The following TUSC3 variants were observed in gnomAD, a reference collection of about 807,000 sequenced individuals.
TUSC3 encodes the protein dolichyl-diphosphooligosaccharide--protein glycosyltransferase subunit TUSC3.
TUSC3 carries 45 observed loss-of-function variants against 44.8 expected under a neutral mutation model. The ratio of observed to expected loss-of-function variants is 1.00; its 90% CI spans 0.79 to 1.29. The LOEUF is 1.29. TUSC3 is among the 50% of genes most tolerant of loss of function. The probability of loss-of-function intolerance (pLI) is 0.00; values close to 1 mark genes in which losing one functional copy is unlikely to be tolerated. For missense variants in TUSC3, 519 were observed against 437.9 expected (o/e 1.19, Z -1.65); for synonymous variants, 212 against 152.9 (o/e 1.39, Z -2.85).
intron 2 of TUSC3, among the ~76,000 whole-genome samples, chr8:15,643,362 A>C (rs1035984906): frequency 6.6e-6 from 1 of 151,494 alleles, no homozygotes; most frequent in Non-Finnish European, 1.5e-5. Context: ...ATTGTGTGAC[A>C]TTCTTCTTGG....
At position 15,748,505 on chromosome 8, in the gene TUSC3, C is replaced by G. The variant is rs352781; in HGVS notation, c.1028+40C>G. On this transcript the variant is annotated intron_variant, in intron 9 of 10. Coordinates refer to ENST00000503731, the MANE Select transcript of TUSC3 (RefSeq NM_006765.4). Reference sequence around the variant, plus strand: ...CTAACATGAATGTTTTTATTTTTAACTAATAGAACAGAGTTTCAGTGGTTA... The same window carrying G: ...CTAACATGAATGTTTTTATTTTTAAGTAATAGAACAGAGTTTCAGTGGTTA... 1.2e-3 allele frequency: 1,765 copies of G among 1,446,894 alleles called. 15 individuals carry two copies. In the African/African-American group the frequency reaches 0.021, roughly 17 times the overall value. 89.6% of individuals were successfully genotyped at this position (1,446,894 alleles called of 1,614,324 possible). A position where few individuals can be genotyped will look rare whatever the true frequency, so the allele number is the denominator to read the frequency against.
At chr8:15,620,523 A>G (rs1805197638) in intron 1 of TUSC3, among the ~76,000 whole-genome samples, 1 of 152,164 alleles carries the variant, frequency 6.6e-6, no homozygotes, top group Non-Finnish European at 1.5e-5. Context: ...AAAATGACGT[A>G]TATATATTTG....
intron 1 of TUSC3, among the ~76,000 whole-genome samples, chr8:15,577,432 T>A (rs1413634446): frequency 3.3e-5 from 5 of 151,846 alleles, no homozygotes; most frequent in Admixed American, 3.3e-4. Flanking sequence ...TCTTCTAGGG[T>A]TTTTATGGTT....
intron 1 of TUSC3, among the ~76,000 whole-genome samples, chr8:15,569,258 T>A (rs1226223333): frequency 1.3e-5 from 2 of 152,198 alleles, no homozygotes; most frequent in African/African-American, 4.8e-5. Context: ...CATTCTTCCA[T>A]TGCACTGTTC....
At chr8:15,577,470 C>T (rs1230707210) in intron 1 of TUSC3, among the ~76,000 whole-genome samples, 1 of 151,158 alleles carries the variant, frequency 6.6e-6, no homozygotes, top group Non-Finnish European at 1.5e-5. Flanking sequence ...ATCTTTAATC[C>T]ATCTTGAATT....
the TUSC3 span, among the ~76,000 whole-genome samples, chr8:15,827,430 A>G: frequency 3.9e-5 from 6 of 152,294 alleles, no homozygotes; most frequent in East Asian, 3.9e-4. Flanking sequence ...ATGGGATTCA[A>G]TGGGTAGTGT....
chr8:15,751,731 T>G (rs1011282035), intron 9 of TUSC3, among the ~76,000 whole-genome samples: 3 of 152,208 alleles, frequency 2.0e-5, no homozygotes, highest in African/African-American at 7.2e-5. Context: ...CAGAGTAGTA[T>G]TTAATTCAGT....
chr8:15,775,014 C>A, the TUSC3 span, among the ~76,000 whole-genome samples: 5 of 152,124 alleles, frequency 3.3e-5, no homozygotes, highest in Admixed American at 3.3e-4. Flanking sequence ...ACAAAACTTG[C>A]ACAAATGTTC....
Position 15,474,910 on chromosome 8 carries a change from T to C in TUSC3, n.92-8476T>C, listed in dbSNP as rs190413263. ...AACCAGCATTATCATAGTATTTAAA[T>C]TACTTGGCTAATTAAAGCAATTTCT... is the stretch of plus-strand genomic sequence containing the variant. On this transcript the variant is annotated intron_variant and non_coding_transcript_variant, in intron 1 of 5. Transcript: ENST00000503191. Among the ~76,000 whole-genome samples, 551 of 152,326 alleles carry C rather than the reference T, an allele frequency of 3.6e-3. 2 individuals are homozygous for C. The highest frequency in any genetic ancestry group is 0.013 in the African/African-American group (525 of 41,572).
chr8:15,808,374 T>C, the TUSC3 span, among the ~76,000 whole-genome samples: 1 of 152,154 alleles, frequency 6.6e-6, no homozygotes, highest in Non-Finnish European at 1.5e-5. Flanking sequence ...GATAAAATGA[T>C]ACATTTACTT....
chr8:15,684,200 C>T (rs1408919232), intron 6 of TUSC3, among the ~76,000 whole-genome samples: 1 of 151,964 alleles, frequency 6.6e-6, no homozygotes, highest in Non-Finnish European at 1.5e-5. Context: ...TTTACCTTGC[C>T]CCAGGGGTGG....
At chr8:15,627,254 A>AG (rs1203150457) in intron 2 of TUSC3, among the ~76,000 whole-genome samples, 2 of 152,168 alleles carry the variant, frequency 1.3e-5, no homozygotes, top group Non-Finnish European at 2.9e-5. Context: ...TGAGAGCTGA[A>AG]GAGACTATAG....
chr8:15,777,538 A>T, the TUSC3 span, among the ~76,000 whole-genome samples: 2 of 151,764 alleles, frequency 1.3e-5, no homozygotes, highest in Non-Finnish European at 2.9e-5. Flanking sequence ...GACAAGAAAG[A>T]CAAAATCTCT....
At chr8:15,479,778 A>G (rs1430444492) in intron 1 of TUSC3, among the ~76,000 whole-genome samples, 1 of 152,052 alleles carries the variant, frequency 6.6e-6, no homozygotes, top group African/African-American at 2.4e-5. Flanking sequence ...CTTTTTCAAC[A>G]TAGTTTTGGA....
chr8:15,702,383 G>C (rs375624495), intron 6 of TUSC3, among the ~76,000 whole-genome samples: 1 of 152,138 alleles, frequency 6.6e-6, no homozygotes, highest in Non-Finnish European at 1.5e-5. Context: ...TGCTTTATTT[G>C]TTGAGAAAGT....
At chr8:15,447,472 C>A (rs1299775542) in intron 1 of TUSC3, among the ~76,000 whole-genome samples, 1 of 151,986 alleles carries the variant, frequency 6.6e-6, no homozygotes, top group Non-Finnish European at 1.5e-5. Flanking sequence ...TAAAAAGTTT[C>A]CTAGGAAGAA....
intron 2 of TUSC3, among the ~76,000 whole-genome samples, chr8:15,488,944 C>T (rs756872437): frequency 2.2e-4 from 34 of 152,310 alleles, no homozygotes; most frequent in Non-Finnish European, 4.7e-4. Context: ...AGTATGCTGA[C>T]TTTGACCTTC....
At position 15,508,457 on chromosome 8, in the gene TUSC3, C is replaced by CTTTTTTTTTT. The variant is rs1200727081; in HGVS notation, n.189+24988_189+24997dup. On this transcript the variant is annotated intron_variant and non_coding_transcript_variant, in intron 2 of 5. Coordinates refer to the TUSC3 transcript ENST00000503191. ...GAGGTAGTTTAGGAATCGAAGCTTCCTTTTTTTTTTTTTTTTTTTTTTTGA... is the reference window on the plus strand; with the variant it reads ...GAGGTAGTTTAGGAATCGAAGCTTCCTTTTTTTTTTTTTTTTTTTTTTTTTTTTTTTTTGA... Among the ~76,000 whole-genome samples, 12 of 79,608 alleles carry CTTTTTTTTTT rather than the reference C, an allele frequency of 1.5e-4. 1 individual carries two copies. Among genetic ancestry groups the CTTTTTTTTTT allele is most frequent in the East Asian group, 4.3e-4 (1 of 2,314 alleles). 52.2% of individuals were successfully genotyped at this position (79,608 alleles called of 152,430 possible).
intron 1 of TUSC3, among the ~76,000 whole-genome samples, chr8:15,466,800 T>C (rs1800420278): frequency 6.6e-6 from 1 of 152,146 alleles, no homozygotes; most frequent in Non-Finnish European, 1.5e-5. Context: ...TTTTCCTCCA[T>C]GGGCATGTAC....
Sources: allele counts gnomAD v4.1 joint callset (sites outside exome capture counted in the v4.1 genomes callset), GRCh38; gene constraint gnomAD v4.1.1; transcripts MANE v1.5; gene names NCBI Gene and HGNC (gene_info 2026-07-23, HGNC 2026-07-21).